NXPH2: variants seen among roughly 807,000 people sequenced by gnomAD.
NXPH2 encodes neurexophilin 2.
NXPH2 carries 5 observed loss-of-function variants against 19.8 expected under a neutral mutation model. The ratio of observed to expected loss-of-function variants is 0.25; its 90% confidence interval spans 0.13 to 0.53. The LOEUF (loss-of-function observed/expected upper bound fraction) is 0.53, where lower values mean the gene tolerates loss of function less well. Among genes scored for constraint, NXPH2 ranks in the 20% least tolerant of loss-of-function variants. The probability of loss-of-function intolerance (pLI) is 0.96; values close to 1 mark genes in which losing one functional copy is unlikely to be tolerated. For missense variants in NXPH2, 289 were observed against 322.8 expected, an observed-to-expected ratio of 0.90 and a Z score of 0.80; for synonymous variants, 154 against 127.4, an observed-to-expected ratio of 1.21 and a Z score of -1.41.
intron 1 of NXPH2, among the ~76,000 whole-genome samples, chr2:138,721,255 C>T (rs368699039): frequency 5.3e-5 from 8 of 151,734 alleles, no homozygotes; most frequent in South Asian, 4.2e-4. Flanking sequence ...GCAGGAGAAT[C>T]GCTTGAACCC....
intron 1 of NXPH2, among the ~76,000 whole-genome samples, chr2:138,712,383 T>C (rs1681118709): frequency 6.6e-6 from 1 of 152,184 alleles, no homozygotes; most frequent in South Asian, 2.1e-4. Context: ...GCTGAACTGC[T>C]CATAACCTTA....
intron 1 of NXPH2, among the ~76,000 whole-genome samples, chr2:138,729,952 T>C (rs1002485911): frequency 2.6e-5 from 4 of 152,200 alleles, no homozygotes; most frequent in African/African-American, 9.7e-5. Context: ...AGACATTTAT[T>C]GTCTCACAGT....
In NXPH2 at chr2:138,737,008, T is replaced by A. The variant is rs1229567334; in HGVS notation, c.51+43183A>T. On this transcript the variant is annotated intron_variant, in intron 1 of 1. Transcript: ENST00000272641. The stretch of plus-strand genomic sequence containing the variant: ...CTGGACTTTAGTGTCCATATCCCTA[T>A]CAGTATTTTGGGCATAGCCATTCAA... Among the ~76,000 whole-genome samples, 3 of 152,186 alleles carry A rather than the reference T, an allele frequency of 2.0e-5. No individual in the cohort carries two copies. In the East Asian group the frequency reaches 5.8e-4, roughly 29 times the overall value.
intron 1 of NXPH2, among the ~76,000 whole-genome samples, chr2:138,698,154 A>G (rs1484613817): frequency 6.6e-6 from 1 of 152,188 alleles, no homozygotes; most frequent in Admixed American, 6.5e-5. Flanking sequence ...AACTGCAAAC[A>G]ACCAAAATCT....
intron 1 of NXPH2, among the ~76,000 whole-genome samples, chr2:138,741,083 T>C (rs1681634872): frequency 6.6e-6 from 1 of 152,166 alleles, no homozygotes; most frequent in Admixed American, 6.5e-5. Flanking sequence ...CTGGTAAAAA[T>C]GACTTATTTT....
At chr2:138,678,511 CCAAAATTTCAA>C (rs1334376844) in intron 1 of NXPH2, among the ~76,000 whole-genome samples, 152 of 151,856 alleles carry the variant, frequency 1.0e-3, no homozygotes, top group African/African-American at 3.6e-3. Context: ...GTCAGGAACT[CCAAAATTTCAA>C]TTTATAACTC....
rs1186082695 is a variant in NXPH2 at position 138,671,635 on chromosome 2, C to T, written c.82G>A (p.Ala28Thr). Residue 28 changes from alanine (A) to threonine (T), a missense_variant, in exon 2 of 2, where the codon GCC (alanine) becomes ACC (threonine). By Grantham distance (58) the Ala-to-Thr change is moderately conservative. Coordinates refer to ENST00000272641, the MANE Select transcript of NXPH2 (RefSeq NM_007226.3). ...LFCDSKEVVH[A>T]TEGLDWEDKD... ...TCTTCCCAATCCAGCCCCTCCGTGG[C>T]ATGCACCACTTCCTTACTGTCACAA... 2 of 1,588,554 alleles carry T rather than the reference C, an allele frequency of 1.3e-6. No individual in the cohort carries two copies. The highest frequency in any genetic ancestry group is 4.5e-5 in the East Asian group (2 of 44,678).
intron 1 of NXPH2, among the ~76,000 whole-genome samples, chr2:138,778,595 G>A (rs1442244331): frequency 6.6e-6 from 1 of 152,122 alleles, no homozygotes; most frequent in Non-Finnish European, 1.5e-5. Context: ...TTTATTAAAT[G>A]CAAAATTAAT....
intron 1 of NXPH2, among the ~76,000 whole-genome samples, chr2:138,751,813 G>T (rs1020930846): frequency 1.3e-5 from 2 of 151,850 alleles, no homozygotes; most frequent in African/African-American, 4.8e-5. Flanking sequence ...TTTTTCCAGG[G>T]TGTCTTCAAT....
intron 1 of NXPH2, among the ~76,000 whole-genome samples, chr2:138,681,663 T>C (rs190750563): frequency 1.3e-3 from 192 of 152,276 alleles, no homozygotes; most frequent in African/African-American, 4.5e-3. Flanking sequence ...GGAGAGAAAG[T>C]TGGCTTTTCC....
intron 1 of NXPH2, among the ~76,000 whole-genome samples, chr2:138,771,401 C>A (rs1682174109): frequency 6.6e-6 from 1 of 151,520 alleles, no homozygotes; most frequent in African/African-American, 2.4e-5. Flanking sequence ...TTAATAATGC[C>A]CTGAGTATAA....
chr2:138,738,799 G>A (rs986198871), intron 1 of NXPH2, among the ~76,000 whole-genome samples: 5 of 152,102 alleles, frequency 3.3e-5, no homozygotes, highest in African/African-American at 9.7e-5. Context: ...ATATGTTATC[G>A]CTCATGCCAC....
In NXPH2 at chr2:138,711,145, C is replaced by CTTTTTTTTTTTTTTTTTTTTTTTT. The variant is rs397766605; in HGVS notation, c.52-39481_52-39480insAAAAAAAAAAAAAAAAAAAAAAAA. Among the ~76,000 whole-genome samples, 9 of 91,088 alleles carry CTTTTTTTTTTTTTTTTTTTTTTTT rather than the reference C, an allele frequency of 9.9e-5. 1 individual carries two copies. The highest frequency in any genetic ancestry group is 1.6e-4 in the African/African-American group (4 of 24,892). 59.8% of individuals were successfully genotyped at this position (91,088 alleles called of 152,430 possible). On this transcript the variant is annotated intron_variant, in intron 1 of 1. Coordinates refer to ENST00000272641, the MANE Select transcript of NXPH2 (RefSeq NM_007226.3). The stretch of plus-strand genomic sequence containing the variant: ...TGGAATTTCCTTCCCATTTCTATCA[C>CTTTTTTTTTTTTTTTTTTTTTTTT]TTTTTTTTTTTTTGAGATTGAGTCT...
intron 1 of NXPH2, among the ~76,000 whole-genome samples, chr2:138,704,823 AT>A (rs70982013): frequency 0.14 from 19,936 of 139,324 alleles, 2,551 homozygotes; most frequent in African/African-American, 0.36. Flanking sequence ...CGCCCAGCTA[AT>A]TTTTTTTTTT....
chr2:138,701,878 A>G (rs1680928805), intron 1 of NXPH2, among the ~76,000 whole-genome samples: 1 of 152,214 alleles, frequency 6.6e-6, no homozygotes, highest in East Asian at 1.9e-4. Context: ...ACTCTAGATA[A>G]CATTTTATTT....
At chr2:138,694,461 A>C (rs1339086333) in intron 1 of NXPH2, among the ~76,000 whole-genome samples, 3 of 152,076 alleles carry the variant, frequency 2.0e-5, no homozygotes, top group Non-Finnish European at 4.4e-5. Context: ...GTGAAGACAG[A>C]GACAATCTCT....
At chr2:138,682,178 C>T (rs182860075) in intron 1 of NXPH2, among the ~76,000 whole-genome samples, 57 of 152,288 alleles carry the variant, frequency 3.7e-4, no homozygotes, top group African/African-American at 1.3e-3. Context: ...TCAATTTTAT[C>T]GGCATCCCAT....
intron 1 of NXPH2, among the ~76,000 whole-genome samples, chr2:138,769,480 A>T (rs1682141910): frequency 6.6e-6 from 1 of 152,232 alleles, no homozygotes; most frequent in Non-Finnish European, 1.5e-5. Context: ...AGAAAGAGAA[A>T]AGGATGCCAA....
chr2:138,734,933 T>C (rs918063500), intron 1 of NXPH2, among the ~76,000 whole-genome samples: 1 of 152,122 alleles, frequency 6.6e-6, no homozygotes, highest in Non-Finnish European at 1.5e-5. Flanking sequence ...AGAAAACTGG[T>C]CAAGGGCCAG....
Sources: gnomAD v4.1 joint callset for allele counts (sites outside exome capture counted in the v4.1 genomes callset) on GRCh38, gnomAD v4.1.1 for gene constraint, MANE v1.5 for transcripts, NCBI Gene and HGNC (gene_info 2026-07-23, HGNC 2026-07-21) for gene names.